Variants in STARD13 observed in about 807,000 individuals in gnomAD.
STARD13 encodes the protein StAR related lipid transfer domain containing 13, also known as stAR-related lipid transfer protein 13.
In STARD13, 62 loss-of-function variants were observed where a neutral mutation model predicts 106.4. The observed-to-expected ratio is 0.58, with a 90% CI of 0.48 to 0.72. The LOEUF (loss-of-function observed/expected upper bound fraction) is 0.72. Among genes scored for constraint, STARD13 ranks in the 30% least tolerant of loss-of-function variants. The pLI, the probability that STARD13 is intolerant of heterozygous loss-of-function variation, is 0.00. For synonymous variants in STARD13, 565 were observed against 553.0 expected (o/e 1.02, Z -0.31); for missense variants, 1,387 against 1,424.0 (o/e 0.97, Z 0.42).
intron 7 of STARD13, among the ~76,000 whole-genome samples, chr13:33,123,537 T>C (rs1876685918): frequency 6.6e-6 from 1 of 152,220 alleles, no homozygotes; most frequent in South Asian, 2.1e-4. Flanking sequence ...GTATAATCTA[T>C]TCTGTGCACA....
At chr13:33,301,435 A>G (rs1892702823) in intron 1 of STARD13, among the ~76,000 whole-genome samples, 1 of 152,152 alleles carries the variant, frequency 6.6e-6, no homozygotes, top group African/African-American at 2.4e-5. Context: ...CTTTTACTTC[A>G]TTATGTTAAG....
chr13:33,653,780 T>C, the STARD13 span, among the ~76,000 whole-genome samples: 1 of 152,272 alleles, frequency 6.6e-6, no homozygotes, highest in African/African-American at 2.4e-5. Context: ...ATCACTTATC[T>C]GATAAGGGAT....
the STARD13 span, among the ~76,000 whole-genome samples, chr13:33,383,460 G>A: frequency 6.6e-6 from 1 of 151,952 alleles, no homozygotes; most frequent in African/African-American, 2.4e-5. Context: ...ATACAAAGCT[G>A]TGGCTGGGTG....
In STARD13 at chr13:33,214,028, C is replaced by T. The variant is rs1887880644; in HGVS notation, c.170-46406G>A. On this transcript the variant is annotated intron_variant, in intron 1 of 13. Coordinates refer to ENST00000336934, the MANE Select transcript of STARD13 (RefSeq NM_178006.4). ...TATTTTGAAGATTACTTCACCTCTC[C>T]CGGCCTCACCCAAATCATATATACA... 2.0e-5 allele frequency among the ~76,000 whole-genome samples: 3 copies of T among 152,150 alleles called. No homozygotes were observed. The South Asian group carries it at 6.2e-4, about 31-fold the overall frequency.
At chr13:33,334,556 C>T (rs1594275870) in intron 1 of STARD13, among the ~76,000 whole-genome samples, 1 of 152,182 alleles carries the variant, frequency 6.6e-6, no homozygotes, top group African/African-American at 2.4e-5. Context: ...GGTCCTCCTG[C>T]CCTCTCACCC....
chr13:33,348,315 G>A (rs2078037893), downstream of STARD13, among the ~76,000 whole-genome samples: 1 of 152,116 alleles, frequency 6.6e-6, no homozygotes, highest in Non-Finnish European at 1.5e-5. Flanking sequence ...TTATTTCCCA[G>A]GATTAAAACT....
the STARD13 span, among the ~76,000 whole-genome samples, chr13:33,434,893 A>AGAAGGAAGGAAGGAAG: frequency 5.8e-4 from 76 of 130,618 alleles, no homozygotes; most frequent in Admixed American, 2.9e-3. Flanking sequence ...AGGGAAGGAA[A>AGAAGGAAGGAAGGAAG]GAAGGAAGGA....
the STARD13 span, among the ~76,000 whole-genome samples, chr13:33,519,280 TC>T: frequency 5.1e-5 from 7 of 137,648 alleles, no homozygotes; most frequent in Non-Finnish European, 1.1e-4. Context: ...TTCTTTTCTT[TC>T]TCTTTCTTTC....
chr13:33,169,809 A>G (rs1216023543), intron 1 of STARD13, among the ~76,000 whole-genome samples: 1 of 152,208 alleles, frequency 6.6e-6, no homozygotes, highest in Non-Finnish European at 1.5e-5. Flanking sequence ...GCACCCCTCC[A>G]GCCCAGGGAA....
At chr13:33,577,884 C>A in the STARD13 span, among the ~76,000 whole-genome samples, 1 of 152,096 alleles carries the variant, frequency 6.6e-6, no homozygotes, top group East Asian at 1.9e-4. Flanking sequence ...AAATTCAAAA[C>A]TTCTGTTTTG....
At chr13:33,277,839 C>A (rs1479152422) in intron 1 of STARD13, 1 of 152,158 alleles carries the variant, frequency 6.6e-6, no homozygotes, top group African/African-American at 2.4e-5. Flanking sequence ...GCTTTCTGTT[C>A]TGCCTACCCA....
At chr13:33,303,482 C>A (rs1187318350) in intron 1 of STARD13, among the ~76,000 whole-genome samples, 1 of 152,144 alleles carries the variant, frequency 6.6e-6, no homozygotes, top group Non-Finnish European at 1.5e-5. Context: ...ATGATAGTGA[C>A]ACATACCTTG....
chr13:33,532,810 T>G, the STARD13 span, among the ~76,000 whole-genome samples: 27 of 152,324 alleles, frequency 1.8e-4, no homozygotes, highest in East Asian at 5.8e-4. Flanking sequence ...GATTCCGACA[T>G]GAGGAATCCA....
intron 1 of STARD13, among the ~76,000 whole-genome samples, chr13:33,217,024 G>A (rs963228519): frequency 6.6e-6 from 1 of 152,106 alleles, no homozygotes; most frequent in Non-Finnish European, 1.5e-5. Context: ...ATAACTGCAT[G>A]CTTTTTATAA....
At chr13:33,434,884 G>GAGAA in the STARD13 span, among the ~76,000 whole-genome samples, 5 of 122,254 alleles carry the variant, frequency 4.1e-5, no homozygotes, top group Non-Finnish European at 5.3e-5. Context: ...AAGGAAGGGA[G>GAGAA]GGAAGGAAAG....
the STARD13 span, among the ~76,000 whole-genome samples, chr13:33,555,000 C>A: frequency 3.9e-5 from 6 of 152,128 alleles, no homozygotes; most frequent in African/African-American, 1.4e-4. Flanking sequence ...CAGGAATCTG[C>A]ATTTAACAAC....
the STARD13 span, among the ~76,000 whole-genome samples, chr13:33,531,993 T>C: frequency 6.6e-6 from 1 of 152,142 alleles, no homozygotes; most frequent in African/African-American, 2.4e-5. Context: ...TGTCCCCCCG[T>C]CCCCATCTTT....
At chr13:33,634,404 G>T in the STARD13 span, among the ~76,000 whole-genome samples, 18 of 152,170 alleles carry the variant, frequency 1.2e-4, no homozygotes, top group Admixed American at 6.5e-4. Context: ...TCATCAGGGG[G>T]TGTTTCCCAG....
chr13:33,615,892 G>A, the STARD13 span, among the ~76,000 whole-genome samples: 23 of 152,082 alleles, frequency 1.5e-4, no homozygotes, highest in Non-Finnish European at 2.6e-4. Flanking sequence ...TACTAATTGC[G>A]TACCTATAGT....
Sources: gnomAD v4.1 joint callset for allele counts (sites outside exome capture counted in the v4.1 genomes callset) on GRCh38, gnomAD v4.1.1 for gene constraint, MANE v1.5 for transcripts, NCBI Gene and HGNC (gene_info 2026-07-23, HGNC 2026-07-21) for gene names.